Variants in CNTNAP2 observed in about 807,000 individuals in gnomAD.
The protein encoded by CNTNAP2 is contactin-associated protein-like 2.
Under a neutral mutation model 155.2 loss-of-function variants are expected in CNTNAP2, and 98 were observed. The observed-to-expected ratio is 0.63, with a 90% CI of 0.54 to 0.75. The LOEUF (loss-of-function observed/expected upper bound fraction) is 0.75, where lower values mean the gene tolerates loss of function less well. Among genes scored for constraint, CNTNAP2 ranks in the 30% least tolerant of loss-of-function variants. CNTNAP2 has a pLI of 0.00. For missense variants in CNTNAP2, 1,727 were observed against 1,688.1 expected, an observed-to-expected ratio of 1.02 and a Z score of -0.40; for synonymous variants, 651 against 631.2, an observed-to-expected ratio of 1.03 and a Z score of -0.47.
chr7:148,122,341 C>T (rs972496808), intron 16 of CNTNAP2, among the ~76,000 whole-genome samples: 1 of 152,160 alleles, frequency 6.6e-6, no homozygotes, highest in Non-Finnish European at 1.5e-5. Flanking sequence ...ATTTTTAAAC[C>T]TGACTGGCTT....
chr7:147,224,761 A>G (rs528831411), intron 8 of CNTNAP2, among the ~76,000 whole-genome samples: 1 of 152,262 alleles, frequency 6.6e-6, no homozygotes, highest in South Asian at 2.1e-4. Flanking sequence ...AACATTATCC[A>G]TGTTTCCCCC....
chr7:146,628,618 A>G (rs1799459621), intron 1 of CNTNAP2, among the ~76,000 whole-genome samples: 1 of 152,132 alleles, frequency 6.6e-6, no homozygotes, highest in African/African-American at 2.4e-5. Context: ...TTTTATGTCA[A>G]TTTTAAAAAA....
chr7:147,990,972 G>A (rs1801702298), intron 15 of CNTNAP2, among the ~76,000 whole-genome samples: 1 of 152,036 alleles, frequency 6.6e-6, no homozygotes, highest in African/African-American at 2.4e-5. Context: ...GGTCTTCCTG[G>A]CACACCCAGC....
At chr7:147,061,903 C>A (rs1226466653) in intron 4 of CNTNAP2, among the ~76,000 whole-genome samples, 3 of 151,724 alleles carry the variant, frequency 2.0e-5, no homozygotes, top group African/African-American at 7.3e-5. Flanking sequence ...GGGAGGTGGG[C>A]GGATCACGAG....
intron 23 of CNTNAP2, among the ~76,000 whole-genome samples, chr7:148,410,999 T>TGAAA (rs1799821807): frequency 6.6e-6 from 1 of 152,136 alleles, no homozygotes. Flanking sequence ...ACCCCGTAAA[T>TGAAA]TTGCACAATG....
chr7:147,692,938 C>T (rs946465292), intron 13 of CNTNAP2, among the ~76,000 whole-genome samples: 1 of 152,004 alleles, frequency 6.6e-6, no homozygotes, highest in Non-Finnish European at 1.5e-5. Flanking sequence ...TCTAGATTTT[C>T]TCCCTTGTCA....
intron 3 of CNTNAP2, among the ~76,000 whole-genome samples, chr7:146,935,109 C>A (rs1563009920): frequency 6.6e-6 from 1 of 152,134 alleles, no homozygotes; most frequent in Non-Finnish European, 1.5e-5. Flanking sequence ...CCATTGGAAC[C>A]TTTAAGGTAA....
At chr7:146,890,231 G>A (rs775791757) in intron 3 of CNTNAP2, among the ~76,000 whole-genome samples, 1 of 152,204 alleles carries the variant, frequency 6.6e-6, no homozygotes, top group East Asian at 1.9e-4. Flanking sequence ...GCTATCTTCA[G>A]ATCTCGACAG....
At chr7:146,604,787 A>C (rs1164893789) in intron 1 of CNTNAP2, among the ~76,000 whole-genome samples, 1 of 144,754 alleles carries the variant, frequency 6.9e-6, no homozygotes, top group Non-Finnish European at 1.5e-5. Context: ...ACATGGATGA[A>C]ATTGGAAATC....
chr7:146,538,128 C>T (rs1041352168), intron 1 of CNTNAP2, among the ~76,000 whole-genome samples: 1 of 151,946 alleles, frequency 6.6e-6, no homozygotes, highest in Non-Finnish European at 1.5e-5. Flanking sequence ...ACAGTAATCG[C>T]AACAAAGGTG....
At chr7:147,001,735 C>T (rs945493229) in intron 3 of CNTNAP2, among the ~76,000 whole-genome samples, 64 of 151,156 alleles carry the variant, frequency 4.2e-4, no homozygotes, top group Non-Finnish European at 5.2e-4. Flanking sequence ...ATCTGAAGTC[C>T]AGGTTCCCCT....
chr7:146,575,923 G>A (rs750249514), intron 1 of CNTNAP2, among the ~76,000 whole-genome samples: 5 of 152,136 alleles, frequency 3.3e-5, no homozygotes, highest in Non-Finnish European at 7.3e-5. Context: ...AAGGAGAGAG[G>A]GAGTGAATAT....
chr7:146,535,534 A>G lies in CNTNAP2; in HGVS notation c.98-238737A>G, dbSNP rs564919608. Among the ~76,000 whole-genome samples the G allele has an allele frequency of 1.5e-3, 207 of 137,786 alleles. 1 individual carries two copies. Among genetic ancestry groups the G allele is most frequent in the African/African-American group, 5.6e-3 (192 of 34,292 alleles). 90.4% of individuals were successfully genotyped at this position (137,786 alleles called of 152,430 possible). ...TAATCAATCAACATTTGTTTATTTA[A>G]ACTTTAAACTTTCTAATTCGTATTT... On this transcript the variant is annotated intron_variant, in intron 1 of 23. Coordinates refer to ENST00000361727, the MANE Select transcript of CNTNAP2 (RefSeq NM_014141.6).
intron 13 of CNTNAP2, among the ~76,000 whole-genome samples, chr7:147,656,414 T>C (rs186730755): frequency 1.1e-3 from 167 of 152,334 alleles, no homozygotes; most frequent in African/African-American, 3.8e-3. Context: ...TTGATTTAAA[T>C]TGAGCGATGT....
chr7:147,459,412 C>A (rs1483803932), intron 10 of CNTNAP2, among the ~76,000 whole-genome samples: 1 of 152,008 alleles, frequency 6.6e-6, no homozygotes, highest in African/African-American at 2.4e-5. Context: ...TGTACTAATC[C>A]CCAAACCTAT....
At chr7:147,460,139 A>C (rs907331624) in intron 10 of CNTNAP2, among the ~76,000 whole-genome samples, 10 of 152,100 alleles carry the variant, frequency 6.6e-5, no homozygotes, top group African/African-American at 2.4e-4. Flanking sequence ...CTTAAAAAAA[A>C]AGAAAGAAGA....
At chr7:146,455,409 G>A (rs974878079) in intron 1 of CNTNAP2, among the ~76,000 whole-genome samples, 5 of 151,988 alleles carry the variant, frequency 3.3e-5, no homozygotes, top group Non-Finnish European at 5.9e-5. Context: ...CTAAGTACCC[G>A]TATGCTTTTC....
chr7:147,837,400 A>C (rs1006153786), intron 13 of CNTNAP2, among the ~76,000 whole-genome samples: 4 of 152,062 alleles, frequency 2.6e-5, no homozygotes, highest in African/African-American at 9.7e-5. Flanking sequence ...CCCACAACAC[A>C]TGGGAATTGT....
chr7:146,961,478 A>T lies in CNTNAP2; in HGVS notation c.403-82429A>T, dbSNP rs4400298. On this transcript the variant is annotated intron_variant, in intron 3 of 23. Transcript: ENST00000361727. ...AACTATGAGAGCTGGGGCATTTGTC[A>T]TTGGAACTTTTCCATTTTCTCTCTA... 3.1e-3 allele frequency among the ~76,000 whole-genome samples: 469 copies of T among 152,270 alleles called. 3 individuals are homozygous for T. The highest frequency in any genetic ancestry group is 0.011 in the African/African-American group (453 of 41,554).
Sources: gnomAD v4.1 joint callset for allele counts (sites outside exome capture counted in the v4.1 genomes callset) on GRCh38, gnomAD v4.1.1 for gene constraint, MANE v1.5 for transcripts, NCBI Gene and HGNC (gene_info 2026-07-23, HGNC 2026-07-21) for gene names.